CACNA1C: variants seen among roughly 807,000 people sequenced by gnomAD.
CACNA1C encodes voltage-dependent L-type calcium channel subunit alpha-1C.
Under a neutral mutation model 229.0 loss-of-function variants are expected in CACNA1C, and 30 were observed. The ratio of observed to expected loss-of-function variants is 0.13; its 90% CI spans 0.10 to 0.18. The LOEUF (loss-of-function observed/expected upper bound fraction) is 0.18. CACNA1C is among the 10% of genes least tolerant of loss of function. The pLI is 1.00. For synonymous variants in CACNA1C, 1,114 were observed against 1,132.5 expected (o/e 0.98, Z 0.33); for missense variants, 1,658 against 2,845.0 (o/e 0.58, Z 9.49).
intron 1 of CACNA1C, among the ~76,000 whole-genome samples, chr12:1,990,339 T>C (rs1351904833): frequency 6.6e-6 from 1 of 152,228 alleles, no homozygotes; most frequent in African/African-American, 2.4e-5. Context: ...TTAAAGTTCA[T>C]ACAGGTCAAA....
intron 9 of CACNA1C, among the ~76,000 whole-genome samples, chr12:2,541,533 C>T (rs1258467311): frequency 1.3e-5 from 2 of 152,140 alleles, no homozygotes; most frequent in Non-Finnish European, 1.5e-5. Context: ...TGTATGACAT[C>T]CCACCACACT....
chr12:2,612,864 C>T (rs2078499671), intron 29 of CACNA1C: 1 of 152,248 alleles, frequency 6.6e-6, no homozygotes, highest in Non-Finnish European at 1.5e-5. Flanking sequence ...ATAAGAGCAA[C>T]TGAGCAGCCC....
chr12:2,652,309 G>C (rs2095074534), intron 32 of CACNA1C, among the ~76,000 whole-genome samples: 1 of 152,162 alleles, frequency 6.6e-6, no homozygotes. Context: ...AGGACTGCCT[G>C]GCCATGTGAT....
chr12:2,505,044 C>A, intron 8 of CACNA1C, 99 bp downstream of exon 8: 1 of 715,446 alleles, frequency 1.4e-6, no homozygotes, highest in Non-Finnish European at 2.5e-6. Context: ...TCTGATGAAC[C>A]TGGGATAAGG....
At chr12:2,174,391 C>T (rs1350179299) in intron 3 of CACNA1C, among the ~76,000 whole-genome samples, 3 of 152,070 alleles carry the variant, frequency 2.0e-5, no homozygotes, top group Admixed American at 6.6e-5. Context: ...TTTTTTTAAC[C>T]TCATTAAGTT....
intron 3 of CACNA1C, among the ~76,000 whole-genome samples, chr12:2,144,008 A>C (rs77732412): frequency 6.6e-6 from 1 of 151,328 alleles, no homozygotes; most frequent in African/African-American, 2.4e-5. Flanking sequence ...GGTATTGGTA[A>C]CAGTAGGCTA....
At chr12:2,326,866 A>G (rs1484336946) in intron 3 of CACNA1C, among the ~76,000 whole-genome samples, 1 of 152,274 alleles carries the variant, frequency 6.6e-6, no homozygotes, top group Non-Finnish European at 1.5e-5. Context: ...TAACCAGGGT[A>G]GGCATCAACA....
At chr12:2,466,693 C>G (rs1003758045) in intron 5 of CACNA1C, among the ~76,000 whole-genome samples, 1 of 152,324 alleles carries the variant, frequency 6.6e-6, no homozygotes, top group Admixed American at 6.5e-5. Context: ...GAGGACCCAG[C>G]CTCCAGCCCT....
rs747997429 is a variant in CACNA1C at position 2,677,293 on chromosome 12, C to T, written c.4956+72C>T. 238 of 1,534,578 alleles carry T rather than the reference C, an allele frequency of 1.6e-4. No homozygotes were observed. The highest frequency in any genetic ancestry group is 2.0e-4 in the Non-Finnish European group (221 of 1,130,170). On this transcript the variant is annotated intron_variant, in intron 40 of 46. Coordinates refer to ENST00000399655, the MANE Select transcript of CACNA1C (RefSeq NM_000719.7). The surrounding 1 kb of genome is among the most constrained non-coding windows in gnomAD (Gnocchi z 7.4). ...TGCCTCTGACCTCCAGTCAGGGTCC[C>T]GGTCCCTCCCCAGCAGGCTGGAGGC...
chr12:2,371,724 C>CTT (rs61627008), intron 3 of CACNA1C, among the ~76,000 whole-genome samples: 10 of 129,002 alleles, frequency 7.8e-5, no homozygotes, highest in Admixed American at 2.4e-4. Context: ...TGACATATGG[C>CTT]TTTTTTTTTT....
chr12:2,087,211 G>T (rs1347897293), intron 1 of CACNA1C, among the ~76,000 whole-genome samples: 2 of 152,100 alleles, frequency 1.3e-5, no homozygotes, highest in African/African-American at 4.8e-5. Flanking sequence ...ACTTGCTCAC[G>T]TGTCTGGGAC....
intron 3 of CACNA1C, among the ~76,000 whole-genome samples, chr12:2,300,722 G>A (rs896982773): frequency 6.6e-6 from 1 of 152,202 alleles, no homozygotes; most frequent in African/African-American, 2.4e-5. Context: ...TTGAAGAACA[G>A]GAGCAGGACG....
intron 3 of CACNA1C, among the ~76,000 whole-genome samples, chr12:2,385,904 C>CG (rs2098378346): frequency 6.6e-6 from 1 of 152,144 alleles, no homozygotes; most frequent in African/African-American, 2.4e-5. Context: ...CCAGCCCCAG[C>CG]GACTCAGGAG....
At chr12:2,219,344 A>C (rs1049663559) in intron 3 of CACNA1C, among the ~76,000 whole-genome samples, 12 of 152,136 alleles carry the variant, frequency 7.9e-5, no homozygotes, top group Non-Finnish European at 1.8e-4. Context: ...AGGTCAGAAA[A>C]AGCTCTTCTC....
At chr12:2,004,601 A>C in intron 1 of CACNA1C, 1 of 953,764 alleles carries the variant, frequency 1.0e-6, no homozygotes, top group Non-Finnish European at 1.5e-6. Flanking sequence ...GCAAGGCCTC[A>C]CTAATCGATG....
intron 3 of CACNA1C, among the ~76,000 whole-genome samples, chr12:2,396,957 ATC>A (rs1406923221): frequency 6.6e-6 from 1 of 152,220 alleles, no homozygotes; most frequent in Non-Finnish European, 1.5e-5. Flanking sequence ...TGGGCCACAC[ATC>A]TGTCTCTCAA....
At chr12:2,147,142 C>T (rs2094792511) in intron 3 of CACNA1C, among the ~76,000 whole-genome samples, 1 of 151,322 alleles carries the variant, frequency 6.6e-6, no homozygotes, top group Non-Finnish European at 1.5e-5. Flanking sequence ...AGGGAAATTA[C>T]AGCAAACGAA....
intron 1 of CACNA1C, among the ~76,000 whole-genome samples, chr12:2,022,290 A>G (rs1331922652): frequency 6.6e-6 from 1 of 152,158 alleles, no homozygotes; most frequent in Non-Finnish European, 1.5e-5. Context: ...GTTCAGGGGA[A>G]CCGGAATACT....
intron 3 of CACNA1C, among the ~76,000 whole-genome samples, chr12:2,237,832 C>T (rs891594406): frequency 2.0e-5 from 3 of 152,178 alleles, no homozygotes; most frequent in East Asian, 1.9e-4. Flanking sequence ...GAGCATCCTT[C>T]GATAGAACAT....
Sources: allele counts gnomAD v4.1 joint callset (sites outside exome capture counted in the v4.1 genomes callset), GRCh38; gene constraint gnomAD v4.1.1; non-coding constraint Gnocchi (gnomAD v3.1); transcripts MANE v1.5; gene names NCBI Gene and HGNC (gene_info 2026-07-23, HGNC 2026-07-21).